The following CSMD3 variants were observed in gnomAD, a reference collection of about 807,000 sequenced individuals.
The protein encoded by CSMD3 is CUB and Sushi multiple domains 3.
A neutral mutation model predicts 435.2 loss-of-function variants in CSMD3; 177 were observed. That is an observed-to-expected ratio of 0.41 (90% CI 0.36 to 0.46). The LOEUF (loss-of-function observed/expected upper bound fraction) is 0.46. Among genes scored for constraint, CSMD3 ranks in the 20% least tolerant of loss-of-function variants. The pLI is 0.34. For missense variants in CSMD3, 4,265 were observed against 4,504.6 expected (o/e 0.95, Z 1.52); for synonymous variants, 1,656 against 1,520.5 (o/e 1.09, Z -2.07).
At chr8:112,949,649 C>T (rs1047513592) in intron 8 of CSMD3, among the ~76,000 whole-genome samples, 4 of 152,158 alleles carry the variant, frequency 2.6e-5, no homozygotes, top group Admixed American at 1.3e-4. Flanking sequence ...CACTTTGATG[C>T]TTTTATGATT....
At chr8:112,586,682 A>C (rs571777958) in intron 23 of CSMD3, among the ~76,000 whole-genome samples, 3 of 151,244 alleles carry the variant, frequency 2.0e-5, no homozygotes, top group Admixed American at 6.6e-5. Context: ...AATAGAAACA[A>C]GTCACTATTA....
At chr8:113,195,808 T>TACAC (rs1473493034) in intron 3 of CSMD3, among the ~76,000 whole-genome samples, 2 of 141,324 alleles carry the variant, frequency 1.4e-5, no homozygotes, top group Admixed American at 7.2e-5. Context: ...TATATATATA[T>TACAC]ATATATACAC....
chr8:112,451,446 T>A (rs1004227956), intron 32 of CSMD3, among the ~76,000 whole-genome samples: 1 of 152,000 alleles, frequency 6.6e-6, no homozygotes, highest in Non-Finnish European at 1.5e-5. Context: ...AAAGTAAAAG[T>A]TTTTTTTACA....
chr8:112,564,308 C>T, intron 24 of CSMD3, among the ~76,000 whole-genome samples: 1 of 150,874 alleles, frequency 6.6e-6, no homozygotes, highest in Admixed American at 6.6e-5. Context: ...CCTTCTTCCT[C>T]TCCTTCCTTC....
Position 112,252,491 on chromosome 8 carries a change from T to C in CSMD3, c.10110+1762A>G, listed in dbSNP as rs541847222. 1.8e-3 allele frequency among the ~76,000 whole-genome samples: 272 copies of C among 152,024 alleles called. 1 individual carries two copies. The highest frequency in any genetic ancestry group is 6.3e-3 in the African/African-American group (262 of 41,542). On this transcript the variant is annotated intron_variant, in intron 63 of 70. Coordinates refer to ENST00000297405, the MANE Select transcript of CSMD3 (RefSeq NM_198123.2). ...CCTGCACAGTAATGCCTTTAGGCTT[T>C]AAGTAGCTCCAAACAGTTTTTTTGT...
intron 38 of CSMD3, among the ~76,000 whole-genome samples, chr8:112,355,282 T>C (rs1300474969): frequency 6.6e-6 from 1 of 152,184 alleles, no homozygotes; most frequent in Non-Finnish European, 1.5e-5. Context: ...CTCTGGACAT[T>C]GGCCTTGGCA....
intron 25 of CSMD3, among the ~76,000 whole-genome samples, chr8:112,555,660 A>G (rs1258159505): frequency 6.6e-6 from 1 of 152,020 alleles, no homozygotes; most frequent in African/African-American, 2.4e-5. Flanking sequence ...TAATAAACCA[A>G]CAGAGGTCTC....
At chr8:112,739,875 T>C (rs912527921) in intron 13 of CSMD3, among the ~76,000 whole-genome samples, 2 of 151,854 alleles carry the variant, frequency 1.3e-5, no homozygotes, top group Admixed American at 1.3e-4. Flanking sequence ...TGTACTACAT[T>C]TATAAACTCT....
At chr8:112,660,570 T>C (rs2131679315) in intron 17 of CSMD3, among the ~76,000 whole-genome samples, 1 of 152,264 alleles carries the variant, frequency 6.6e-6, no homozygotes, top group African/African-American at 2.4e-5. Flanking sequence ...TAAGGATTTT[T>C]TTTTCTTAGC....
At position 113,436,932 on chromosome 8, in the gene CSMD3, C is replaced by A. The variant is rs117143184; in HGVS notation, c.-78G>T. On this transcript the variant is annotated 5_prime_UTR_variant, in exon 1 of 71. Coordinates refer to ENST00000297405, the MANE Select transcript of CSMD3 (RefSeq NM_198123.2). ...TGCTGTTGTTGGTGCGCGGTCACAG[C>A]TCGGAGTGAATGGTGTTTCTGGGAT... The A allele has an allele frequency of 2.7e-5, 40 of 1,506,674 alleles. No homozygotes were observed. In the Admixed American group the frequency reaches 6.5e-4, roughly 25 times the overall value. 93.3% of individuals were successfully genotyped at this position (1,506,674 alleles called of 1,614,324 possible).
intron 10 of CSMD3, among the ~76,000 whole-genome samples, chr8:112,867,369 A>G (rs1287610013): frequency 2.0e-5 from 3 of 152,182 alleles, no homozygotes; most frequent in African/African-American, 7.2e-5. Flanking sequence ...ATCTTGAGAA[A>G]GAACAGAGTT....
chr8:112,874,961 T>C (rs1290038737), intron 10 of CSMD3, among the ~76,000 whole-genome samples: 1 of 152,154 alleles, frequency 6.6e-6, no homozygotes, highest in African/African-American at 2.4e-5. Flanking sequence ...CCTGCCATTA[T>C]GATGCTAGCT....
chr8:112,737,361 T>C (rs1026189677), intron 13 of CSMD3, among the ~76,000 whole-genome samples: 1 of 152,024 alleles, frequency 6.6e-6, no homozygotes, highest in Non-Finnish European at 1.5e-5. Flanking sequence ...TTCATCTCTT[T>C]AAGGCTTTAA....
At chr8:112,844,964 C>T (rs1230795069) in intron 11 of CSMD3, among the ~76,000 whole-genome samples, 1 of 151,834 alleles carries the variant, frequency 6.6e-6, no homozygotes, top group East Asian at 1.9e-4. Flanking sequence ...GCATATGATT[C>T]CGGTATAATC....
At chr8:112,593,446 A>G (rs1175518277) in intron 22 of CSMD3, among the ~76,000 whole-genome samples, 1 of 152,218 alleles carries the variant, frequency 6.6e-6, no homozygotes, top group Non-Finnish European at 1.5e-5. Flanking sequence ...AAAGGTAGAG[A>G]AGACAATGAG....
At chr8:112,350,752 A>C (rs778542253) in intron 40 of CSMD3, among the ~76,000 whole-genome samples, 5 of 152,052 alleles carry the variant, frequency 3.3e-5, no homozygotes, top group Non-Finnish European at 7.4e-5. Context: ...TGACTGCCTG[A>C]CACCACTAAA....
chr8:112,572,763 C>T (rs1829636069), intron 24 of CSMD3, among the ~76,000 whole-genome samples: 1 of 151,982 alleles, frequency 6.6e-6, no homozygotes, highest in Non-Finnish European at 1.5e-5. Flanking sequence ...TTTACTCGCA[C>T]TTTAATTTAT....
chr8:112,623,604 T>C (rs963168379), intron 22 of CSMD3, among the ~76,000 whole-genome samples: 9 of 146,500 alleles, frequency 6.1e-5, no homozygotes, highest in African/African-American at 2.3e-4. Flanking sequence ...CATGCTGGTG[T>C]GCTGCACCCA....
intron 1 of CSMD3, among the ~76,000 whole-genome samples, chr8:113,324,742 T>C (rs546180284): frequency 2.0e-5 from 3 of 152,210 alleles, no homozygotes; most frequent in East Asian, 1.9e-4. Context: ...CACAGAATGG[T>C]AGATCCACTG....
Sources: allele counts gnomAD v4.1 joint callset (sites outside exome capture counted in the v4.1 genomes callset), GRCh38; gene constraint gnomAD v4.1.1; transcripts MANE v1.5; gene names NCBI Gene and HGNC (gene_info 2026-07-23, HGNC 2026-07-21).